The following NAMPT variants were observed in gnomAD, a reference collection of about 807,000 sequenced individuals.
NAMPT encodes the protein NAmPRTase.
NAMPT carries 7 observed loss-of-function variants against 58.7 expected under a neutral mutation model. The ratio of observed to expected loss-of-function variants is 0.12; its 90% CI spans 0.07 to 0.22. The LOEUF is 0.22. Ranked by LOEUF, NAMPT falls within the 10% of genes least tolerant of loss-of-function variation. The pLI, the probability that NAMPT is intolerant of heterozygous loss-of-function variation, is 1.00. For missense variants in NAMPT, 271 were observed against 567.9 expected (o/e 0.48, Z 5.31); for synonymous variants, 145 against 198.1 (o/e 0.73, Z 2.25).
chr7:106,272,165 CTAACTT>C (rs1238455362), intron 4 of NAMPT: 5 of 332,854 alleles, frequency 1.5e-5, no homozygotes, highest in Admixed American at 5.1e-5. Flanking sequence ...TTCCTTTAGT[CTAACTT>C]GAACATTTAT....
At position 106,270,911 on chromosome 7, in the gene NAMPT, C is replaced by T. The variant is rs1454796243; in HGVS notation, c.448-1599G>A. ...CATTAAGTTTTGGGGTAGTTTGTTA[C>T]ACAATAGAAAATCAGTACAATTCTT... On this transcript the variant is annotated intron_variant, in intron 4 of 10. Transcript: ENST00000222553. 3.3e-5 allele frequency among the ~76,000 whole-genome samples: 5 copies of T among 152,198 alleles called. No individual in the cohort carries two copies. In the South Asian group the frequency reaches 8.3e-4, roughly 25 times the overall value.
intron 7 of NAMPT, among the ~76,000 whole-genome samples, chr7:106,262,972 G>A (rs1219355764): frequency 1.3e-5 from 2 of 152,024 alleles, no homozygotes; most frequent in Non-Finnish European, 2.9e-5. Context: ...TCCACTTGAA[G>A]AGTATTTTTG....
Position 106,284,900 on chromosome 7 carries a change from AG to A in NAMPT, c.-17del. The A allele has an allele frequency of 1.3e-6, 2 of 1,577,392 alleles. No homozygotes were observed. The highest frequency in any genetic ancestry group is 1.8e-5 in the Admixed American group (1 of 55,224). On this transcript the variant is annotated 5_prime_UTR_variant, in exon 1 of 11. Transcript: ENST00000222553. ...CAGGATTCATCTCGGGCCGGAGGAC[AG>A]GGGCCGCGCGCCGCGAGCTCCCTGG...
chr7:106,264,224 C>G (rs1399008681), intron 6 of NAMPT, among the ~76,000 whole-genome samples: 1 of 151,976 alleles, frequency 6.6e-6, no homozygotes, highest in Non-Finnish European at 1.5e-5. Context: ...AGATTATCTA[C>G]TACGAATTAA....
chr7:106,272,389 G>T, intron 4 of NAMPT, 141 bp downstream of exon 4: 1 of 639,840 alleles, frequency 1.6e-6, no homozygotes, highest in Non-Finnish European at 2.5e-6. Flanking sequence ...TCATTTTATA[G>T]ATGAGGAAAT....
chr7:106,273,450 C>T (rs1161034116), intron 3 of NAMPT, among the ~76,000 whole-genome samples: 1 of 152,138 alleles, frequency 6.6e-6, no homozygotes, highest in Non-Finnish European at 1.5e-5. Context: ...CTGTTTAATA[C>T]AAGCACTGGA....
At chr7:106,276,750 G>A (rs1184690419) in intron 2 of NAMPT, 2 of 319,442 alleles carry the variant, frequency 6.3e-6, no homozygotes. Flanking sequence ...GCAGAGGCAG[G>A]AGAATTGCCT....
In NAMPT at chr7:106,274,935, C is replaced by T. The variant is rs1233698624; in HGVS notation, c.318+11G>A. ...AACCAAAACAGATCAAAAGATGAAA[C>T]CATCTTTTACCTCAAGAATGTAGTT... is the stretch of plus-strand genomic sequence containing the variant. On this transcript the variant is annotated intron_variant, in intron 3 of 10. Coordinates refer to ENST00000222553, the MANE Select transcript of NAMPT (RefSeq NM_005746.3). The T allele has an allele frequency of 1.3e-6, 2 of 1,523,638 alleles. No homozygotes were observed. The highest frequency in any genetic ancestry group is 2.8e-5 in the African/African-American group (2 of 72,298). The allele number at this position is 1,523,638 out of a possible 1,614,324, so 94.4% of individuals were successfully genotyped here.
intron 1 of NAMPT, among the ~76,000 whole-genome samples, chr7:106,278,886 T>C (rs909865716): frequency 2.0e-5 from 3 of 152,186 alleles, no homozygotes; most frequent in Admixed American, 1.3e-4. Context: ...GTCTGATTCA[T>C]AGTTTTATTT....
intron 8 of NAMPT, among the ~76,000 whole-genome samples, chr7:106,259,399 T>C (rs1792263595): frequency 6.6e-6 from 1 of 152,152 alleles, no homozygotes; most frequent in African/African-American, 2.4e-5. Flanking sequence ...TCTAGAATGG[T>C]GAACCCTTTC....
rs1356911078 is a variant in NAMPT at position 106,250,534 on chromosome 7, T to A, written c.*549A>T. 2 of 154,512 alleles carry A rather than the reference T, an allele frequency of 1.3e-5. No homozygotes were observed. Among genetic ancestry groups the A allele is most frequent in the Non-Finnish European group, 2.9e-5 (2 of 69,304 alleles). The allele number at this position is 154,512 out of a possible 1,614,324, so 9.6% of individuals were successfully genotyped here. On this transcript the variant is annotated 3_prime_UTR_variant, in exon 11 of 11. Transcript: ENST00000222553. Reference sequence around the variant, plus strand: ...ATGTCCCGACATAATTTTCAAATTGTACAATAACACAAACAACTTTGTTAA... The same window carrying A: ...ATGTCCCGACATAATTTTCAAATTGAACAATAACACAAACAACTTTGTTAA...
In NAMPT at chr7:106,251,076, A is replaced by G. The variant is rs762873863; in HGVS notation, c.*7T>C. 1.3e-6 allele frequency: 2 copies of G among 1,505,232 alleles called. No individual in the cohort carries two copies. Among genetic ancestry groups the G allele is most frequent in the East Asian group, 2.3e-5 (1 of 44,274 alleles). 93.2% of individuals were successfully genotyped at this position (1,505,232 alleles called of 1,614,324 possible). Reference sequence around the variant, plus strand: ...ACATACACACAACACACACCCAGTCATAAAGCCTAATGATGTGCTGCTTCC... The same window carrying G: ...ACATACACACAACACACACCCAGTCGTAAAGCCTAATGATGTGCTGCTTCC... On this transcript the variant is annotated 3_prime_UTR_variant, in exon 11 of 11. Transcript: ENST00000222553.
intron 6 of NAMPT, among the ~76,000 whole-genome samples, chr7:106,268,140 C>T (rs572308984): frequency 1.3e-5 from 2 of 152,052 alleles, no homozygotes; most frequent in South Asian, 4.1e-4. Flanking sequence ...CTGGTACTTA[C>T]AGTGAGTGCT....
chr7:106,283,219 A>C (rs1378458296), intron 1 of NAMPT, among the ~76,000 whole-genome samples: 1 of 152,202 alleles, frequency 6.6e-6, no homozygotes, highest in Non-Finnish European at 1.5e-5. Flanking sequence ...AAATTTATTA[A>C]ATAGGTGCAA....
upstream of NAMPT, chr7:106,284,986 T>G (rs1792843561): frequency 8.8e-6 from 13 of 1,474,464 alleles, no homozygotes; most frequent in South Asian, 1.7e-4. Context: ...AAGTCACTGC[T>G]CGGTCGGCGG....
chr7:106,272,702 C>T, intron 3 of NAMPT, 44 bp from the exon 4 acceptor site: 2 of 1,599,490 alleles, frequency 1.3e-6, no homozygotes, highest in Non-Finnish European at 8.5e-7. Flanking sequence ...ACAGATGATA[C>T]TCAATTCCCT....
Position 106,277,009 on chromosome 7 carries a change from A to AG in NAMPT, c.214+13dup, listed in dbSNP as rs779584392. On this transcript the variant is annotated intron_variant, in intron 2 of 10. Transcript: ENST00000222553. Reference sequence around the variant, plus strand: ...TAATAAGCAGTGTTTAAAATATACTAGGAAAAGTAATACCTTTTAAGTACT... The same window carrying AG: ...TAATAAGCAGTGTTTAAAATATACTAGGGAAAAGTAATACCTTTTAAGTACT... The AG allele has an allele frequency of 3.2e-6, 5 of 1,556,496 alleles. No homozygotes were observed. In the Admixed American group the frequency reaches 8.4e-5, roughly 26 times the overall value.
intron 6 of NAMPT, among the ~76,000 whole-genome samples, chr7:106,267,681 A>T (rs1383398092): frequency 6.6e-6 from 1 of 150,650 alleles, no homozygotes; most frequent in Non-Finnish European, 1.5e-5. Flanking sequence ...CTCTACTAAA[A>T]ATACAAAAAA....
At position 106,268,576 on chromosome 7, in the gene NAMPT, G is replaced by T; in HGVS notation, c.631C>A (p.His211Asn). 6.2e-7 allele frequency: 1 copy of T among 1,610,826 alleles called. No homozygotes were observed. The highest frequency in any genetic ancestry group is 8.5e-7 in the Non-Finnish European group (1 of 1,177,060). The part of the protein sequence containing the change: ...QETAGIGASA[H>N]LVNFKGTDTV... ...TCTGTTCCTTTGAAGTTAACCAAGTGAGCAGATGCTCCTATGCCAGCAGTC... is the reference window on the plus strand; with the variant it reads ...TCTGTTCCTTTGAAGTTAACCAAGTTAGCAGATGCTCCTATGCCAGCAGTC... Residue 211 changes from histidine to asparagine, a missense_variant, in exon 6 of 11, where the codon CAC becomes AAC. Coordinates refer to ENST00000222553, the MANE Select transcript of NAMPT (RefSeq NM_005746.3).
Sources: gnomAD v4.1 joint callset for allele counts (sites outside exome capture counted in the v4.1 genomes callset) on GRCh38, gnomAD v4.1.1 for gene constraint, MANE v1.5 for transcripts, NCBI Gene and HGNC (gene_info 2026-07-23, HGNC 2026-07-21) for gene names.